The following KIT variants were observed in gnomAD, a reference collection of about 807,000 sequenced individuals.
KIT encodes the protein mast/stem cell growth factor receptor Kit.
A neutral mutation model predicts 105.7 loss-of-function variants in KIT; 16 were observed. The ratio of observed to expected loss-of-function variants is 0.15; its 90% CI spans 0.10 to 0.23. KIT has a LOEUF of 0.23. KIT is among the 10% of genes least tolerant of loss of function. The pLI, the probability that KIT is intolerant of heterozygous loss-of-function variation, is 1.00. For missense variants in KIT, 858 were observed against 1,213.8 expected (o/e 0.71, Z 4.36); for synonymous variants, 438 against 441.1 (o/e 0.99, Z 0.09).
intron 1 of KIT, among the ~76,000 whole-genome samples, chr4:54,666,159 G>C (rs1001278332): frequency 1.3e-5 from 2 of 152,158 alleles, no homozygotes; most frequent in East Asian, 1.9e-4. Context: ...GTGAGGGAAG[G>C]TTTAGTGAAT....
chr4:54,681,283 G>T (rs962240019), intron 1 of KIT, among the ~76,000 whole-genome samples: 1 of 151,888 alleles, frequency 6.6e-6, no homozygotes, highest in Non-Finnish European at 1.5e-5. Context: ...GGGATGGGGT[G>T]GGGGGTGCGG....
chr4:54,693,901 G>A (rs1455238440), intron 1 of KIT, among the ~76,000 whole-genome samples: 1 of 152,076 alleles, frequency 6.6e-6, no homozygotes, highest in African/African-American at 2.4e-5. Context: ...ACAATCTATA[G>A]TGTCTTTTCC....
chr4:54,733,488 C>G (rs1433649438), intron 17 of KIT: 2 of 333,736 alleles, frequency 6.0e-6, no homozygotes, highest in Non-Finnish European at 1.2e-5. Context: ...TGATTTTGCT[C>G]AAGTGTAACA....
chr4:54,710,635 C>T (rs1721093718), intron 7 of KIT, among the ~76,000 whole-genome samples: 1 of 152,018 alleles, frequency 6.6e-6, no homozygotes, highest in Non-Finnish European at 1.5e-5. Context: ...CCTCCACCTC[C>T]CAGGTTCAAG....
chr4:54,702,400 T>C (rs549594972), intron 4 of KIT, among the ~76,000 whole-genome samples: 1 of 152,210 alleles, frequency 6.6e-6, no homozygotes, highest in South Asian at 2.1e-4. Flanking sequence ...TAAATATAAG[T>C]CTTCAAAATC....
intron 16 of KIT, 47 bp downstream of exon 16, chr4:54,732,045 ATTTTTTTTTTTTTT>A (rs71662297): frequency 3.4e-6 from 3 of 887,876 alleles, no homozygotes; most frequent in Admixed American, 3.4e-5. Context: ...TGTTTTTTTG[ATTTTTTTTTTTTTT>A]TTTTTTTTTT....
intron 1 of KIT, among the ~76,000 whole-genome samples, chr4:54,680,835 C>T (rs1445587183): frequency 1.3e-5 from 2 of 152,144 alleles, no homozygotes; most frequent in African/African-American, 2.4e-5. Flanking sequence ...CACACCCACA[C>T]CTGTCCAGGA....
chr4:54,732,136 A>G, intron 16 of KIT, 138 bp downstream of exon 16: 1 of 988,242 alleles, frequency 1.0e-6, no homozygotes, highest in Non-Finnish European at 1.5e-6. Flanking sequence ...GGTAACCAAA[A>G]GCAGAGGAAA....
At chr4:54,735,256 A>G (rs1304717359) in intron 17 of KIT, among the ~76,000 whole-genome samples, 3 of 151,906 alleles carry the variant, frequency 2.0e-5, no homozygotes, top group African/African-American at 7.3e-5. Context: ...ACACCCATAG[A>G]TCTCAGGTTA....
At chr4:54,687,446 A>T (rs537830965) in intron 1 of KIT, among the ~76,000 whole-genome samples, 3 of 152,262 alleles carry the variant, frequency 2.0e-5, no homozygotes, top group African/African-American at 7.2e-5. Context: ...ATCTCCAAAA[A>T]AAAAATAAAA....
intron 7 of KIT, among the ~76,000 whole-genome samples, chr4:54,714,201 A>G (rs1268565254): frequency 6.6e-6 from 1 of 152,184 alleles, no homozygotes; most frequent in African/African-American, 2.4e-5. Context: ...AAAAAAGTAG[A>G]GTTTTGAAAC....
chr4:54,733,320 A>G (rs1722722091), intron 17 of KIT, 128 bp downstream of exon 17: 2 of 1,103,060 alleles, frequency 1.8e-6, no homozygotes, highest in South Asian at 1.3e-5. Flanking sequence ...TAGCAGTCAA[A>G]TTAAGTATAC....
intron 1 of KIT, among the ~76,000 whole-genome samples, chr4:54,685,604 C>T (rs1719255231): frequency 6.6e-6 from 1 of 152,164 alleles, no homozygotes; most frequent in Admixed American, 6.5e-5. Flanking sequence ...CCAGAGGAGT[C>T]CTCCTAAAAC....
intron 7 of KIT, among the ~76,000 whole-genome samples, chr4:54,709,821 G>C (rs1721025124): frequency 1.3e-5 from 2 of 152,188 alleles, no homozygotes. Flanking sequence ...ACAGTTGTTT[G>C]AGGGAAAATG....
intron 7 of KIT, among the ~76,000 whole-genome samples, chr4:54,715,731 A>G (rs1347928271): frequency 6.6e-6 from 1 of 152,176 alleles, no homozygotes; most frequent in African/African-American, 2.4e-5. Flanking sequence ...TAAACATGAG[A>G]TTTGAAGGGG....
At chr4:54,661,660 A>G (rs1717279628) in intron 1 of KIT, among the ~76,000 whole-genome samples, 2 of 152,150 alleles carry the variant, frequency 1.3e-5, no homozygotes, top group Admixed American at 6.5e-5. Context: ...ATTGAATGAC[A>G]TTTGCAGGAA....
At chr4:54,678,789 T>G (rs1387985821) in intron 1 of KIT, among the ~76,000 whole-genome samples, 2 of 152,192 alleles carry the variant, frequency 1.3e-5, no homozygotes, top group Non-Finnish European at 2.9e-5. Context: ...TAAAGCTCCT[T>G]TTTTGGAAAT....
chr4:54,715,585 C>T (rs60334317), intron 7 of KIT, among the ~76,000 whole-genome samples: 4,988 of 151,964 alleles, frequency 0.033, 171 homozygotes, highest in East Asian at 0.17. Flanking sequence ...TTTTAAAAAT[C>T]GGATCTCGAG....
chr4:54,693,337 C>T lies in KIT; in HGVS notation c.68-2175C>T, dbSNP rs537530385. ...CATTGCCTTCTTTGCCACTTAGCCTCTCTCCCTTTTCTTCCTGGTGGTTCT... is the reference window on the plus strand; with the variant it reads ...CATTGCCTTCTTTGCCACTTAGCCTTTCTCCCTTTTCTTCCTGGTGGTTCT... On this transcript the variant is annotated intron_variant, in intron 1 of 20. Coordinates refer to ENST00000288135, the MANE Select transcript of KIT (RefSeq NM_000222.3). Among the ~76,000 whole-genome samples, 8 of 152,332 alleles carry T rather than the reference C, an allele frequency of 5.3e-5. 1 individual carries two copies. The South Asian group carries it at 1.7e-3, about 32-fold the overall frequency.
Sources: allele counts gnomAD v4.1 joint callset (sites outside exome capture counted in the v4.1 genomes callset), GRCh38; gene constraint gnomAD v4.1.1; transcripts MANE v1.5; gene names NCBI Gene and HGNC (gene_info 2026-07-23, HGNC 2026-07-21).